The following NRG1 variants were observed in gnomAD, a reference collection of about 807,000 sequenced individuals.
The protein encoded by NRG1 is neuregulin 1.
NRG1 carries 18 observed loss-of-function variants against 63.8 expected under a neutral mutation model. The ratio of observed to expected loss-of-function variants is 0.28; its 90% confidence interval spans 0.19 to 0.42. The LOEUF (loss-of-function observed/expected upper bound fraction) is 0.42. Ranked by LOEUF, NRG1 falls within the 10% of genes least tolerant of loss-of-function variation. NRG1 has a pLI of 1.00. For synonymous variants in NRG1, 302 were observed against 301.3 expected (o/e 1.00, Z -0.02); for missense variants, 762 against 814.7 (o/e 0.94, Z 0.79).
At chr8:32,251,053 T>TTTATTA (rs139569064) in intron 1 of NRG1, among the ~76,000 whole-genome samples, 3 of 150,840 alleles carry the variant, frequency 2.0e-5, no homozygotes, top group South Asian at 4.2e-4. Context: ...AATTGCCATA[T>TTTATTA]TTATTATTAT....
chr8:31,869,381 C>CA (rs1191236768), intron 1 of NRG1, among the ~76,000 whole-genome samples: 1 of 152,162 alleles, frequency 6.6e-6, no homozygotes, highest in African/African-American at 2.4e-5. Context: ...CATGCAGCCA[C>CA]ACCTGGAGAC....
chr8:32,335,752 C>A (rs1803182631), intron 1 of NRG1, among the ~76,000 whole-genome samples: 1 of 152,142 alleles, frequency 6.6e-6, no homozygotes, highest in Admixed American at 6.6e-5. Flanking sequence ...GCTTTGGGCC[C>A]TGTCATAACA....
At position 32,307,290 on chromosome 8, in the gene NRG1, C is replaced by T. The variant is rs188265295; in HGVS notation, c.38-288538C>T. On this transcript the variant is annotated intron_variant, in intron 1 of 10. Coordinates refer to the NRG1 transcript ENST00000519301. Reference sequence around the variant, plus strand: ...ATGCAAATCAAAAGACTAGATGTAGCTAATTAGACATGGGAAAAGGGTGGT... The same window carrying T: ...ATGCAAATCAAAAGACTAGATGTAGTTAATTAGACATGGGAAAAGGGTGGT... Among the ~76,000 whole-genome samples the T allele has an allele frequency of 1.7e-4, 26 of 152,222 alleles. 1 individual carries two copies. The highest frequency in any genetic ancestry group is 2.0e-4 in the Admixed American group (3 of 15,296).
chr8:32,593,858 A>AG (rs1159321208), intron 1 of NRG1, among the ~76,000 whole-genome samples: 1 of 147,586 alleles, frequency 6.8e-6, no homozygotes, highest in Admixed American at 6.7e-5. Flanking sequence ...AGGTGTCAAA[A>AG]AAAAAAAAAA....
Position 32,710,159 on chromosome 8 carries a change from T to C in NRG1, c.503-17790T>C, listed in dbSNP as rs558729769. Among the ~76,000 whole-genome samples the C allele has an allele frequency of 1.2e-3, 177 of 152,338 alleles. No homozygotes were observed. In the South Asian group the frequency reaches 0.013, roughly 11 times the overall value. ...TAAGGAGTGCTACCATCAGACCTAT[T>C]TTTAAGAGTTTCTTGTGTGTGATTT... On this transcript the variant is annotated intron_variant, in intron 5 of 11. Coordinates refer to ENST00000356819, the Ensembl canonical transcript of NRG1.
chr8:32,723,805 G>A (rs1338815364), intron 5 of NRG1, among the ~76,000 whole-genome samples: 1 of 151,092 alleles, frequency 6.6e-6, no homozygotes, highest in East Asian at 1.9e-4. Flanking sequence ...GGAGGGAGGG[G>A]CAGGCTGAAA....
chr8:32,603,832 C>T (rs1844787846), intron 2 of NRG1, among the ~76,000 whole-genome samples: 1 of 152,174 alleles, frequency 6.6e-6, no homozygotes, highest in Non-Finnish European at 1.5e-5. Context: ...CTGGTCTGGA[C>T]CACCTCTGAT....
chr8:31,754,826 G>A (rs1016656883), intron 1 of NRG1, among the ~76,000 whole-genome samples: 2 of 151,968 alleles, frequency 1.3e-5, no homozygotes, highest in African/African-American at 2.4e-5. Flanking sequence ...GTTACAAAAA[G>A]TGCAAAATTT....
intron 6 of NRG1, among the ~76,000 whole-genome samples, chr8:32,736,782 T>A (rs923574487): frequency 6.6e-6 from 1 of 152,280 alleles, no homozygotes; most frequent in Non-Finnish European, 1.5e-5. Context: ...AAAGGATGTC[T>A]AAGGATGGTT....
At chr8:32,633,221 T>C (rs1432337102) in intron 5 of NRG1, among the ~76,000 whole-genome samples, 1 of 152,330 alleles carries the variant, frequency 6.6e-6, no homozygotes, top group East Asian at 1.9e-4. Context: ...TGCTTTCTTT[T>C]ATTTATTTAT....
intron 1 of NRG1, among the ~76,000 whole-genome samples, chr8:32,205,753 T>C (rs1233141520): frequency 6.6e-6 from 1 of 152,028 alleles, no homozygotes; most frequent in African/African-American, 2.4e-5. Flanking sequence ...CTGTCTGATT[T>C]AATTAAGACC....
intron 1 of NRG1, among the ~76,000 whole-genome samples, chr8:32,167,004 G>A (rs771923822): frequency 6.6e-5 from 10 of 152,120 alleles, no homozygotes; most frequent in Non-Finnish European, 1.0e-4. Flanking sequence ...TTAGGTCCAT[G>A]TGCAGCCCAG....
At chr8:32,728,640 G>A (rs79393308) in intron 6 of NRG1, 1 of 984,862 alleles carries the variant, frequency 1.0e-6, no homozygotes, top group Non-Finnish European at 1.2e-6. Flanking sequence ...AAAGTAAATT[G>A]CATATATTTG....
At chr8:32,418,769 C>T (rs1252998448) in intron 1 of NRG1, among the ~76,000 whole-genome samples, 3 of 152,016 alleles carry the variant, frequency 2.0e-5, no homozygotes, top group Admixed American at 6.6e-5. Context: ...AACAGTTTTT[C>T]GTATTACTCT....
intron 1 of NRG1, among the ~76,000 whole-genome samples, chr8:31,853,652 A>G (rs1449345657): frequency 6.6e-6 from 1 of 151,470 alleles, no homozygotes; most frequent in Non-Finnish European, 1.5e-5. Flanking sequence ...CACTATGTTG[A>G]ATAGTAGTGG....
rs78070373 is a variant in NRG1, at chr8:32,350,637, T to A, written c.38-245191T>A. Among the ~76,000 whole-genome samples the A allele has an allele frequency of 3.6e-3, 548 of 152,214 alleles. 2 individuals are homozygous for A. Among genetic ancestry groups the A allele is most frequent in the African/African-American group, 0.012 (513 of 41,540 alleles). On this transcript the variant is annotated intron_variant, in intron 1 of 10. Transcript: ENST00000519301. ...TTGACTTCTAATCCCAGATATAAGGTGTTTATTCTTTTTGAGCCACTATTT... is the reference window on the plus strand; with the variant it reads ...TTGACTTCTAATCCCAGATATAAGGAGTTTATTCTTTTTGAGCCACTATTT...
chr8:32,271,503 A>G (rs946536345), intron 1 of NRG1, among the ~76,000 whole-genome samples: 11 of 152,158 alleles, frequency 7.2e-5, no homozygotes, highest in African/African-American at 1.9e-4. Context: ...TTTCTTCTAT[A>G]TAAAATTTTT....
At chr8:32,688,348 A>G (rs761002933) in intron 5 of NRG1, among the ~76,000 whole-genome samples, 13 of 152,168 alleles carry the variant, frequency 8.5e-5, no homozygotes, top group Non-Finnish European at 1.5e-4. Flanking sequence ...AATTGACATT[A>G]TAACCATCTT....
chr8:31,663,683 A>C (rs6988565), intron 1 of NRG1, among the ~76,000 whole-genome samples: 137,813 of 152,184 alleles, frequency 0.91, 63,739 homozygotes, highest in Non-Finnish European at 1. Context: ...TTTCATGGGG[A>C]AGAGGGCTGG....
Sources: allele counts gnomAD v4.1 joint callset (sites outside exome capture counted in the v4.1 genomes callset), GRCh38; gene constraint gnomAD v4.1.1; transcripts MANE v1.5; gene names NCBI Gene and HGNC (gene_info 2026-07-23, HGNC 2026-07-21).